HCK: variants seen among roughly 807,000 people sequenced by gnomAD.
HCK encodes the protein tyrosine-protein kinase HCK.
HCK carries 40 observed loss-of-function variants against 70.4 expected under a neutral mutation model. The observed-to-expected ratio is 0.57, with a 90% CI of 0.44 to 0.74. The LOEUF (loss-of-function observed/expected upper bound fraction) is 0.74. Among genes scored for constraint, HCK ranks in the 30% least tolerant of loss-of-function variants. The probability of loss-of-function intolerance (pLI) is 0.00; values close to 1 mark genes in which losing one functional copy is unlikely to be tolerated. For missense variants in HCK, 568 were observed against 697.2 expected (o/e 0.81, Z 2.09); for synonymous variants, 245 against 263.2 (o/e 0.93, Z 0.67).
At chr20:32,061,201 C>G (rs1355515911) in intron 1 of HCK, among the ~76,000 whole-genome samples, 1 of 152,218 alleles carries the variant, frequency 6.6e-6, no homozygotes, top group Non-Finnish European at 1.5e-5. Context: ...CCAGGCTGGT[C>G]TTGAACTCCT....
chr20:32,059,593 C>T (rs889018371), intron 1 of HCK, among the ~76,000 whole-genome samples: 2 of 151,686 alleles, frequency 1.3e-5, no homozygotes, highest in Non-Finnish European at 2.9e-5. Context: ...ATGGCTCATG[C>T]AGCCCCAACC....
intron 1 of HCK, among the ~76,000 whole-genome samples, chr20:32,056,101 T>C (rs2045266913): frequency 6.6e-6 from 1 of 152,272 alleles, no homozygotes; most frequent in Non-Finnish European, 1.5e-5. Context: ...TTTCCACATT[T>C]TGACCATTGA....
At chr20:32,076,461 ACAGAATCCCTGGGT>A (rs2045627757) in intron 5 of HCK, among the ~76,000 whole-genome samples, 1 of 152,162 alleles carries the variant, frequency 6.6e-6, no homozygotes, top group Non-Finnish European at 1.5e-5. Flanking sequence ...CTGAACACTT[ACAGAATCCCTGGGT>A]CACCTCATGT....
chr20:32,066,338 G>A (rs1239968027), intron 1 of HCK, among the ~76,000 whole-genome samples: 13 of 50,146 alleles, frequency 2.6e-4, no homozygotes, highest in East Asian at 4.2e-3. Flanking sequence ...TTTTGACAGA[G>A]TCTTGCTCTG....
At chr20:32,074,926 T>C (rs1172051413) in intron 5 of HCK, among the ~76,000 whole-genome samples, 2 of 152,146 alleles carry the variant, frequency 1.3e-5, no homozygotes, top group Non-Finnish European at 2.9e-5. Context: ...TGTGACTCTG[T>C]CTTGTGGAAA....
intron 11 of HCK, among the ~76,000 whole-genome samples, chr20:32,097,496 G>A (rs1041182365): frequency 1.4e-4 from 21 of 152,012 alleles, no homozygotes; most frequent in Non-Finnish European, 2.5e-4. Context: ...GGAGAATGGC[G>A]TGAAAGCCGG....
At chr20:32,069,785 A>G (rs1192331755) in intron 1 of HCK, 1 of 1,271,292 alleles carries the variant, frequency 7.9e-7, no homozygotes, top group Non-Finnish European at 1.0e-6. Context: ...ATCTTTTTTC[A>G]TTTTTAAAAG....
intron 11 of HCK, among the ~76,000 whole-genome samples, chr20:32,094,743 A>AAGAG (rs1569009640): frequency 1.0e-4 from 14 of 136,496 alleles, no homozygotes; most frequent in African/African-American, 3.0e-4. Context: ...GAAAGAAAGA[A>AAGAG]AGAAAGAAAG....
At chr20:32,071,598 T>C in intron 1 of HCK, 64 bp from the exon 2 acceptor site, 1 of 1,587,032 alleles carries the variant, frequency 6.3e-7, no homozygotes, top group Non-Finnish European at 8.6e-7. Flanking sequence ...AATGCCAGCA[T>C]CAGAAGACTT....
At chr20:32,099,651 C>G (rs2046006927) in intron 12 of HCK, among the ~76,000 whole-genome samples, 1 of 152,126 alleles carries the variant, frequency 6.6e-6, no homozygotes, top group Admixed American at 6.5e-5. Flanking sequence ...AGCCACTGTG[C>G]CTGGCCTCAC....
rs2046028050 is a variant in HCK at position 32,101,216 on chromosome 20, G to T, written c.1379-101G>T. ...GTGGAAGGGGCTCAGCTTGCAAGGTGAGGTGGGGAGTGATGCCTGCTGGGG... is the reference window on the plus strand; with the variant it reads ...GTGGAAGGGGCTCAGCTTGCAAGGTTAGGTGGGGAGTGATGCCTGCTGGGG... On this transcript the variant is annotated intron_variant, in intron 12 of 12. Coordinates refer to ENST00000375852, the MANE Select transcript of HCK (RefSeq NM_002110.5). 6 of 956,946 alleles carry T rather than the reference G, an allele frequency of 6.3e-6. No homozygotes were observed. In the Admixed American group the frequency reaches 8.6e-5, roughly 14 times the overall value. 59.3% of individuals were successfully genotyped at this position (956,946 alleles called of 1,614,324 possible). A position where few individuals can be genotyped will look rare whatever the true frequency, so the allele number is the denominator to read the frequency against.
intron 8 of HCK, among the ~76,000 whole-genome samples, chr20:32,085,035 G>C (rs2045763762): frequency 6.6e-6 from 1 of 152,250 alleles, no homozygotes; most frequent in Non-Finnish European, 1.5e-5. Context: ...GAACAACACT[G>C]CCTGCTTTGC....
intron 8 of HCK, among the ~76,000 whole-genome samples, chr20:32,085,081 G>A (rs2045764613): frequency 6.6e-6 from 1 of 152,256 alleles, no homozygotes; most frequent in African/African-American, 2.4e-5. Context: ...AGCCCAGTGT[G>A]GGGCAGCCTG....
intron 1 of HCK, among the ~76,000 whole-genome samples, chr20:32,054,476 A>T (rs1008296597): frequency 1.4e-4 from 2 of 13,934 alleles, no homozygotes; most frequent in Non-Finnish European, 2.2e-4. Context: ...AACTCCACCT[A>T]AAAAAAAAAA....
chr20:32,078,964 A>G (rs528113839), intron 5 of HCK, among the ~76,000 whole-genome samples: 4 of 152,178 alleles, frequency 2.6e-5, no homozygotes, highest in South Asian at 2.1e-4. Context: ...AGTTGATAAC[A>G]GAGGAACCAA....
intron 1 of HCK, among the ~76,000 whole-genome samples, chr20:32,055,712 G>A (rs6121327): frequency 0.033 from 4,947 of 152,144 alleles, 133 homozygotes; most frequent in South Asian, 0.097. Context: ...TTTTTAAAGC[G>A]AACAATTCAG....
intron 11 of HCK, among the ~76,000 whole-genome samples, chr20:32,097,800 A>G (rs1026936638): frequency 2.0e-5 from 3 of 152,068 alleles, no homozygotes; most frequent in Non-Finnish European, 2.9e-5. Flanking sequence ...GTCATAAAGC[A>G]GGTCTCAACA....
At chr20:32,056,175 C>A (rs1226391006) in intron 1 of HCK, among the ~76,000 whole-genome samples, 3 of 152,136 alleles carry the variant, frequency 2.0e-5, no homozygotes, top group Admixed American at 6.6e-5. Context: ...GTTTTCAATT[C>A]CTTTGGGTAT....
chr20:32,057,328 C>T (rs558648114), intron 1 of HCK, among the ~76,000 whole-genome samples: 1 of 152,156 alleles, frequency 6.6e-6, no homozygotes, highest in Non-Finnish European at 1.5e-5. Flanking sequence ...GGGCTGGGTG[C>T]GGTGGCTCAC....
Sources: allele counts gnomAD v4.1 joint callset (sites outside exome capture counted in the v4.1 genomes callset), GRCh38; gene constraint gnomAD v4.1.1; transcripts MANE v1.5; gene names NCBI Gene and HGNC (gene_info 2026-07-23, HGNC 2026-07-21).